The following GPC2 variants were observed in gnomAD, a reference collection of about 807,000 sequenced individuals.
The protein encoded by GPC2 is glypican-2.
GPC2 carries 42 observed loss-of-function variants against 57.3 expected under a neutral mutation model. The observed-to-expected ratio is 0.73, with a 90% CI of 0.57 to 0.95. The LOEUF (loss-of-function observed/expected upper bound fraction) is 0.95. GPC2 is among the 40% of genes least tolerant of loss of function. The pLI, the probability that GPC2 is intolerant of heterozygous loss-of-function variation, is 0.00. For missense variants in GPC2, 745 were observed against 793.6 expected, an observed-to-expected ratio of 0.94 and a Z score of 0.74; for synonymous variants, 364 against 343.4, an observed-to-expected ratio of 1.06 and a Z score of -0.66.
chr7:100,173,924 G>T lies in GPC2; in HGVS notation c.803C>A (p.Ser268Ter). The T allele has an allele frequency of 6.2e-7, 1 of 1,605,756 alleles. No homozygotes were observed. Among genetic ancestry groups the T allele is most frequent in the Non-Finnish European group, 8.5e-7 (1 of 1,176,282 alleles). The change falls in exon 5 of 10, where the codon TCA (serine) becomes TAA (stop). Residue 268 changes from serine (S) to a stop codon, truncating the protein, a stop_gained. Coordinates refer to ENST00000292377, the MANE Select transcript of GPC2 (RefSeq NM_152742.3). LOFTEE classifies it high-confidence loss of function. ...GCAGAAGCCCTGGCAGGGCATAAGTGAGGGGACCCCCCGGCACAGGGGACA... is the reference window on the plus strand; with the variant it reads ...GCAGAAGCCCTGGCAGGGCATAAGTTAGGGGACCCCCCGGCACAGGGGACA... ...IGCPLCRGVP[S>*]LMPCQGFCLN...
At chr7:100,173,688 C>CTTTA (rs2116985754) in intron 5 of GPC2, 147 bp downstream of exon 5, 2 of 477,096 alleles carry the variant, frequency 4.2e-6, no homozygotes, top group East Asian at 3.2e-5. Context: ...CTCTCTCTTT[C>CTTTA]TTTCTTGAGA....
chr7:100,175,914 C>T lies in GPC2; in HGVS notation c.326-20G>A, dbSNP rs1424667697. On this transcript the variant is annotated intron_variant, in intron 2 of 9. Coordinates refer to ENST00000292377, the MANE Select transcript of GPC2 (RefSeq NM_152742.3). Reference sequence around the variant, plus strand: ...AAAACTCTGCAGCAAATGCAGGGAACAGGTGGAAGGCAGGTCAGGCCAAAG... The same window carrying T: ...AAAACTCTGCAGCAAATGCAGGGAATAGGTGGAAGGCAGGTCAGGCCAAAG... 6.2e-7 allele frequency: 1 copy of T among 1,607,090 alleles called. No individual in the cohort carries two copies. Among genetic ancestry groups the T allele is most frequent in the Non-Finnish European group, 8.5e-7 (1 of 1,174,158 alleles).
intron 9 of GPC2, 124 bp from the exon 10 acceptor site, chr7:100,170,607 G>A (rs1039448739): frequency 2.7e-5 from 25 of 911,594 alleles, no homozygotes; most frequent in Admixed American, 1.1e-4. Context: ...GGTGGATGCC[G>A]GGTTGGGGAA....
intron 4 of GPC2, chr7:100,174,213 G>C (rs1487849951): frequency 5.7e-6 from 3 of 528,052 alleles, no homozygotes; most frequent in Non-Finnish European, 1.0e-5. Flanking sequence ...AGGCAGTTAG[G>C]GGTGGAGGGA....
In GPC2 at chr7:100,171,663, C is replaced by A; in HGVS notation, c.1186G>T (p.Glu396Ter). 1 of 1,507,048 alleles carries A rather than the reference C, an allele frequency of 6.6e-7. No homozygotes were observed. 93.4% of individuals were successfully genotyped at this position (1,507,048 alleles called of 1,614,324 possible). ...NLHRLVWELR[E>*]RLARMRGFWA... ...AAGCCCCGCATCCGGGCCAGACGCTCGCGGAGCTCCCACACCTGGGCGGGC... is the reference window on the plus strand; with the variant it reads ...AAGCCCCGCATCCGGGCCAGACGCTAGCGGAGCTCCCACACCTGGGCGGGC... Residue 396 changes from glutamate (E) to a stop codon, truncating the protein, a stop_gained, in exon 8 of 10, where the codon GAG (glutamate) becomes TAG (stop). Coordinates refer to ENST00000292377, the MANE Select transcript of GPC2 (RefSeq NM_152742.3). LOFTEE classifies it high-confidence loss of function. The surrounding 1 kb of genome is among the most constrained non-coding windows in gnomAD (Gnocchi z 4.8).
chr7:100,170,536 C>T (rs1799160753), intron 9 of GPC2, 53 bp from the exon 10 acceptor site: 1 of 1,379,352 alleles, frequency 7.2e-7, no homozygotes, highest in Non-Finnish European at 9.5e-7. Flanking sequence ...CAGAGGGAGA[C>T]AGAGGGAGGA....
At chr7:100,172,063 C>G in intron 6 of GPC2, 24 bp downstream of exon 6, 1 of 1,613,576 alleles carries the variant, frequency 6.2e-7, no homozygotes, top group Non-Finnish European at 8.5e-7. Context: ...CCGGGCCTCA[C>G]CTCCACCCTT....
At chr7:100,172,528 C>T (rs1469584219) in intron 5 of GPC2, among the ~76,000 whole-genome samples, 7 of 149,334 alleles carry the variant, frequency 4.7e-5, no homozygotes, top group Middle Eastern at 3.6e-3. Flanking sequence ...TGCAGTGGCG[C>T]GATCTCGGGT....
At chr7:100,174,122 G>T in intron 4 of GPC2, 125 bp from the exon 5 acceptor site, 2 of 791,632 alleles carry the variant, frequency 2.5e-6, no homozygotes, top group African/African-American at 1.8e-5. Flanking sequence ...ACCCCACGTG[G>T]CAGCAGGTGA....
intron 2 of GPC2, 77 bp downstream of exon 2, chr7:100,176,130 T>A: frequency 7.3e-7 from 1 of 1,370,574 alleles, no homozygotes; most frequent in Non-Finnish European, 1.0e-6. Context: ...GAGTAAGGAG[T>A]GGGGACAGGA....
In GPC2 at chr7:100,177,227, T is replaced by A; in HGVS notation, c.-28A>T. On this transcript the variant is annotated 5_prime_UTR_variant, in exon 1 of 10. Coordinates refer to ENST00000292377, the MANE Select transcript of GPC2 (RefSeq NM_152742.3). Reference sequence around the variant, plus strand: ...CTGCAGCCACCCCAGGACGGCAAAGTGGGTCCTAAGGAGGAAAGCAGAGCC... The same window carrying A: ...CTGCAGCCACCCCAGGACGGCAAAGAGGGTCCTAAGGAGGAAAGCAGAGCC... 1 of 1,599,180 alleles carries A rather than the reference T, an allele frequency of 6.3e-7. No individual in the cohort carries two copies. Among genetic ancestry groups the A allele is most frequent in the Non-Finnish European group, 8.5e-7 (1 of 1,172,288 alleles).
chr7:100,173,900 C>T lies in GPC2; in HGVS notation c.827G>A (p.Cys276Tyr). Residue 276 changes from cysteine to tyrosine, a missense_variant, in exon 5 of 10, where the codon TGC (cysteine) becomes TAC (tyrosine). Coordinates refer to ENST00000292377, the MANE Select transcript of GPC2 (RefSeq NM_152742.3). ...VPSLMPCQGF[C>Y]LNVVRGCLSS... ...GAGACAGCCACGAACCACGTTGAGG[C>T]AGAAGCCCTGGCAGGGCATAAGTGA... The T allele has an allele frequency of 1.2e-6, 2 of 1,605,830 alleles. No individual in the cohort carries two copies. The highest frequency in any genetic ancestry group is 1.7e-6 in the Non-Finnish European group (2 of 1,176,296).
In GPC2 at chr7:100,170,443, T is replaced by C; in HGVS notation, c.1527A>G (p.Ala509=). 6.3e-7 allele frequency: 1 copy of C among 1,596,874 alleles called. No individual in the cohort carries two copies. Among genetic ancestry groups the C allele is most frequent in the African/African-American group, 1.3e-5 (1 of 74,724 alleles). Residue 509 remains alanine (A), a synonymous_variant, in exon 10 of 10, where the codon GCA becomes GCG. Transcript: ENST00000292377. The part of the protein sequence containing the change: ...ASGSGGGQQY[A]DDWMAGAVAP... Reference sequence around the variant, plus strand: ...CCACAGCCCCAGCCATCCAGTCATCTGCATACTGCTGTCCCCCTCCAGAGC... The same window carrying C: ...CCACAGCCCCAGCCATCCAGTCATCCGCATACTGCTGTCCCCCTCCAGAGC...
rs759136532 is a variant in GPC2, at chr7:100,174,669, T to G, written c.729+16A>C. On this transcript the variant is annotated intron_variant, in intron 4 of 9. Transcript: ENST00000292377. Reference sequence around the variant, plus strand: ...CTCCCTCCCTGGGCCCTGCCCATACTCAGGCACCCTCCAACCTTAAGCGCT... The same window carrying G: ...CTCCCTCCCTGGGCCCTGCCCATACGCAGGCACCCTCCAACCTTAAGCGCT... The G allele has an allele frequency of 6.3e-7, 1 of 1,588,070 alleles. No homozygotes were observed. The highest frequency in any genetic ancestry group is 8.6e-7 in the Non-Finnish European group (1 of 1,156,490).
chr7:100,174,090 C>A, intron 4 of GPC2, 93 bp from the exon 5 acceptor site: 9 of 1,160,288 alleles, frequency 7.8e-6, no homozygotes, highest in Non-Finnish European at 1.1e-5. Flanking sequence ...TCACATACCC[C>A]ACCCTACACC....
Position 100,171,320 on chromosome 7 carries a change from G to T in GPC2, c.1427C>A (p.Ala476Glu), listed in dbSNP as rs766096655. The T allele has an allele frequency of 3.6e-5, 55 of 1,543,208 alleles. No individual in the cohort carries two copies. The highest frequency in any genetic ancestry group is 1.2e-4 in the Admixed American group (6 of 50,720). Residue 476 changes from alanine (A) to glutamate (E), a missense_variant, in exon 9 of 10, where the codon GCG becomes GAG. This residue lies in a region of GPC2 where 607 missense variants were observed against 603.9 expected (regional missense o/e 1.01). Coordinates refer to ENST00000292377, the MANE Select transcript of GPC2 (RefSeq NM_152742.3). This position sits in a 1 kb window ranked among gnomAD's most constrained non-coding sequence, Gnocchi z 4.8. ...PTRRRRLQLR[A>E]ATARMKTAAL... Reference sequence around the variant, plus strand: ...GGCCGTTTTCATTCTGGCCGTGGCCGCCCGGAGCTGTAGCCGACGCCGCCG... The same window carrying T: ...GGCCGTTTTCATTCTGGCCGTGGCCTCCCGGAGCTGTAGCCGACGCCGCCG...
At chr7:100,175,486 A>G in intron 3 of GPC2, 86 bp downstream of exon 3, 1 of 1,068,144 alleles carries the variant, frequency 9.4e-7, no homozygotes, top group Admixed American at 2.2e-5. Flanking sequence ...AGGTGACTGG[A>G]GCACGCCAGT....
chr7:100,173,936 C>T lies in GPC2; in HGVS notation c.791G>A (p.Arg264Gln), dbSNP rs781076566. 58 of 1,602,324 alleles carry T rather than the reference C, an allele frequency of 3.6e-5. No individual in the cohort carries two copies. Among genetic ancestry groups the T allele is most frequent in the African/African-American group, 1.5e-4 (11 of 73,982 alleles). The change falls in exon 5 of 10, where the codon CGG becomes CAG. Residue 264 changes from arginine to glutamine, a missense_variant. By Grantham distance (43) the Arg-to-Gln change is conservative. Around this residue, in one of 2 missense-constraint regions of GPC2, gnomAD observed 607 missense variants for 603.9 expected, o/e 1.01. Coordinates refer to ENST00000292377, the MANE Select transcript of GPC2 (RefSeq NM_152742.3). ...LMRLIGCPLC[R>Q]GVPSLMPCQG... ...GCAGGGCATAAGTGAGGGGACCCCC[C>T]GGCACAGGGGACAGCCGATGAGACG...
At position 100,172,204 on chromosome 7, in the gene GPC2, G is replaced by A; in HGVS notation, c.906C>T (p.Ile302=). The part of the protein sequence containing the change: ...DWGNYLDGLL[I]LADKLQGPFS... ...AGGGGCCCTGGAGCTTATCAGCCAG[G>A]ATCAGGAGACCATCTTAAGGGAGGG... Residue 302 remains isoleucine, a synonymous_variant, in exon 6 of 10, where the codon ATC becomes ATT. Coordinates refer to ENST00000292377, the MANE Select transcript of GPC2 (RefSeq NM_152742.3). 6.2e-7 allele frequency: 1 copy of A among 1,613,938 alleles called. No homozygotes were observed.
Sources: gnomAD v4.1 joint callset for allele counts (sites outside exome capture counted in the v4.1 genomes callset) on GRCh38, gnomAD v4.1.1 for gene constraint, gnomAD v4.1.1 regional missense constraint, Gnocchi (gnomAD v3.1) non-coding constraint, MANE v1.5 for transcripts, NCBI Gene and HGNC (gene_info 2026-07-23, HGNC 2026-07-21) for gene names.